TTC39B: variants seen among roughly 807,000 people sequenced by gnomAD.
The protein encoded by TTC39B is tetratricopeptide repeat domain 39B.
Under a neutral mutation model 96.6 loss-of-function variants are expected in TTC39B, and 92 were observed. The ratio of observed to expected loss-of-function variants is 0.95; its 90% CI spans 0.80 to 1.13. The LOEUF is 1.13. Ranked by LOEUF, TTC39B falls within the 50% of genes most tolerant of loss-of-function variation. TTC39B has a pLI of 0.00. For synonymous variants in TTC39B, 367 were observed against 299.4 expected (o/e 1.23, Z -2.33); for missense variants, 955 against 809.3 (o/e 1.18, Z -2.18).
intron 2 of TTC39B, among the ~76,000 whole-genome samples, chr9:15,235,032 A>T (rs533585320): frequency 1.3e-5 from 2 of 148,432 alleles, no homozygotes; most frequent in Non-Finnish European, 1.5e-5. Context: ...TCAATAAATA[A>T]ATAAATAAAT....
chr9:15,231,305 G>A (rs942749408), intron 2 of TTC39B, among the ~76,000 whole-genome samples: 3 of 152,034 alleles, frequency 2.0e-5, no homozygotes, highest in Non-Finnish European at 2.9e-5. Context: ...GAGCCACCAT[G>A]CCCGGCCAGC....
At chr9:15,294,737 T>C (rs1359342537) in intron 1 of TTC39B, among the ~76,000 whole-genome samples, 1 of 152,156 alleles carries the variant, frequency 6.6e-6, no homozygotes, top group Non-Finnish European at 1.5e-5. Flanking sequence ...CAGGACTCCA[T>C]CACAGAGGAA....
At chr9:15,261,283 A>T (rs1167127442) in intron 2 of TTC39B, among the ~76,000 whole-genome samples, 1 of 152,066 alleles carries the variant, frequency 6.6e-6, no homozygotes, top group Non-Finnish European at 1.5e-5. Flanking sequence ...GTTCAAGACC[A>T]GCCTGGGTAA....
chr9:15,242,605 A>AAAGG (rs1212221359), intron 2 of TTC39B, among the ~76,000 whole-genome samples: 2 of 152,130 alleles, frequency 1.3e-5, no homozygotes, highest in African/African-American at 4.8e-5. Flanking sequence ...AGAAAGAAAG[A>AAAGG]AGAATTGGAA....
chr9:15,285,704 A>G lies in TTC39B; in HGVS notation c.241-17756T>C, dbSNP rs370362922. Among the ~76,000 whole-genome samples the G allele has an allele frequency of 5.3e-5, 8 of 152,190 alleles. No individual in the cohort carries two copies. The East Asian group carries it at 1.2e-3, about 22-fold the overall frequency. On this transcript the variant is annotated intron_variant, in intron 1 of 19. Coordinates refer to ENST00000512701, the Ensembl canonical transcript of TTC39B. Reference sequence around the variant, plus strand: ...CCCGTCTCTACTAAAAATACAAAAAAATTAGCCGGGCTTGGTGGCGGGCGC... The same window carrying G: ...CCCGTCTCTACTAAAAATACAAAAAGATTAGCCGGGCTTGGTGGCGGGCGC...
At position 15,276,172 on chromosome 9, in the gene TTC39B, G is replaced by A. The variant is rs112290586; in HGVS notation, c.241-8224C>T. 2.4e-3 allele frequency among the ~76,000 whole-genome samples: 369 copies of A among 152,304 alleles called. 1 individual carries two copies. The highest frequency in any genetic ancestry group is 8.3e-3 in the African/African-American group (347 of 41,558). ...CTATAAAAGTCCTTTGGATTTGGCA[G>A]CAGGGTTATAATGAACTTGAAGAAA... On this transcript the variant is annotated intron_variant, in intron 1 of 19. Coordinates refer to ENST00000512701, the Ensembl canonical transcript of TTC39B.
chr9:15,245,718 A>C (rs1411357383), intron 2 of TTC39B, among the ~76,000 whole-genome samples: 3 of 152,224 alleles, frequency 2.0e-5, no homozygotes, highest in Non-Finnish European at 4.4e-5. Flanking sequence ...ATAATAACTC[A>C]AAATAAAATA....
intron 19 of TTC39B, among the ~76,000 whole-genome samples, chr9:15,172,346 G>C (rs1187403906): frequency 6.6e-6 from 1 of 152,050 alleles, no homozygotes; most frequent in African/African-American, 2.4e-5. Flanking sequence ...TGAGTAGCAA[G>C]GTTCTGCTTA....
intron 1 of TTC39B, among the ~76,000 whole-genome samples, chr9:15,302,975 C>T (rs1162561640): frequency 6.6e-6 from 1 of 152,202 alleles, no homozygotes; most frequent in African/African-American, 2.4e-5. Context: ...CGAGACCATC[C>T]TGGCCAACAT....
chr9:15,272,371 C>T (rs1205857360), intron 1 of TTC39B, among the ~76,000 whole-genome samples: 1 of 152,176 alleles, frequency 6.6e-6, no homozygotes, highest in Non-Finnish European at 1.5e-5. Flanking sequence ...GTGGGCTCAC[C>T]GTGTGCCCTC....
At chr9:15,271,457 G>C (rs1051243260) in intron 1 of TTC39B, among the ~76,000 whole-genome samples, 5 of 152,152 alleles carry the variant, frequency 3.3e-5, no homozygotes, top group African/African-American at 1.2e-4. Flanking sequence ...TGAGGAGATG[G>C]TTTCAGGATG....
At chr9:15,233,925 C>G (rs940809739) in intron 2 of TTC39B, among the ~76,000 whole-genome samples, 4 of 150,878 alleles carry the variant, frequency 2.7e-5, no homozygotes, top group Non-Finnish European at 1.5e-5. Flanking sequence ...GCCTCTTCCC[C>G]GCCGCCATCC....
At chr9:15,273,594 G>T (rs999207933) in intron 1 of TTC39B, among the ~76,000 whole-genome samples, 2 of 151,990 alleles carry the variant, frequency 1.3e-5, no homozygotes, top group Admixed American at 6.6e-5. Context: ...TTTAACCACC[G>T]CACTTTAGCA....
At chr9:15,260,998 C>T (rs1822924858) in intron 2 of TTC39B, among the ~76,000 whole-genome samples, 1 of 152,172 alleles carries the variant, frequency 6.6e-6, no homozygotes, top group Admixed American at 6.5e-5. Context: ...ATATGAAAGA[C>T]CACTGCTGAG....
chr9:15,169,738 AAAG>A (rs1271472597), exon 20 of TTC39B: 1 of 152,244 alleles, frequency 6.6e-6, no homozygotes, highest in African/African-American at 2.4e-5. Flanking sequence ...GTAACTGCAT[AAAG>A]AATAGGAAAC....
intron 14 of TTC39B, 102 bp downstream of exon 14, chr9:15,187,869 A>G: frequency 8.1e-7 from 1 of 1,240,106 alleles, no homozygotes; most frequent in Non-Finnish European, 1.1e-6. Context: ...TAAGTTGAGA[A>G]AACACTGTGG....
chr9:15,302,706 T>C (rs969311716), intron 1 of TTC39B, among the ~76,000 whole-genome samples: 2 of 151,496 alleles, frequency 1.3e-5, no homozygotes, highest in Non-Finnish European at 2.9e-5. Flanking sequence ...TAGCTGGGCA[T>C]GGTGTTGGGC....
At chr9:15,196,776 C>A (rs757778986) in intron 8 of TTC39B, among the ~76,000 whole-genome samples, 135 of 152,188 alleles carry the variant, frequency 8.9e-4, no homozygotes, top group Admixed American at 1.3e-3. Context: ...GGATCTAACT[C>A]TGAAAGAAGT....
intron 1 of TTC39B, among the ~76,000 whole-genome samples, chr9:15,297,632 C>T (rs1030751497): frequency 7.2e-5 from 11 of 152,126 alleles, no homozygotes; most frequent in Non-Finnish European, 1.5e-4. Flanking sequence ...CATCATGTTG[C>T]CTTAATTATT....
Sources: gnomAD v4.1 joint callset for allele counts (sites outside exome capture counted in the v4.1 genomes callset) on GRCh38, gnomAD v4.1.1 for gene constraint, MANE v1.5 for transcripts, NCBI Gene and HGNC (gene_info 2026-07-23, HGNC 2026-07-21) for gene names.